Variants in NLRP5 observed in about 807,000 individuals in gnomAD.
NLRP5 encodes NLR family pyrin domain containing 5.
NLRP5 carries 93 observed loss-of-function variants against 113.1 expected under a neutral mutation model. That is an observed-to-expected ratio of 0.82 (90% confidence interval 0.70 to 0.98). NLRP5 has a LOEUF of 0.98. NLRP5 is among the 50% of genes least tolerant of loss of function. The pLI, the probability that NLRP5 is intolerant of heterozygous loss-of-function variation, is 0.00. For missense variants in NLRP5, 1,808 were observed against 1,514.3 expected, an observed-to-expected ratio of 1.19 and a Z score of -3.22; for synonymous variants, 751 against 600.7, an observed-to-expected ratio of 1.25 and a Z score of -3.66.
At chr19:56,007,902 TGC>T (rs1568483099) in intron 2 of NLRP5, among the ~76,000 whole-genome samples, 4 of 48,712 alleles carry the variant, frequency 8.2e-5, no homozygotes, top group South Asian at 7.4e-4. Flanking sequence ...CGTGCGCGCG[TGC>T]GTGTGTGTGT....
chr19:56,020,546 A>G, intron 6 of NLRP5, 115 bp downstream of exon 6: 8 of 1,241,396 alleles, frequency 6.4e-6, no homozygotes, highest in Non-Finnish European at 9.2e-6. Context: ...CTTCAATCTC[A>G]TTTGTCTCTG....
At chr19:56,058,098 A>G (rs1014847936) in intron 13 of NLRP5, 142 bp from the exon 14 acceptor site, 19 of 632,874 alleles carry the variant, frequency 3.0e-5, no homozygotes, top group Non-Finnish European at 4.7e-5. Flanking sequence ...TGGGAGGCAG[A>G]GCCCACCAGT....
chr19:56,057,419 G>A (rs539494268), intron 13 of NLRP5, among the ~76,000 whole-genome samples: 17 of 152,204 alleles, frequency 1.1e-4, no homozygotes, highest in Non-Finnish European at 1.9e-4. Flanking sequence ...CCCAGCCTCC[G>A]CTCTCACCAC....
At chr19:56,051,176 C>T (rs908547274) in intron 12 of NLRP5, among the ~76,000 whole-genome samples, 6 of 151,586 alleles carry the variant, frequency 4.0e-5, no homozygotes, top group East Asian at 3.9e-4. Context: ...CAACTTAATG[C>T]GTTCTCTTTT....
At chr19:56,006,034 T>C (rs1490196375) in intron 2 of NLRP5, among the ~76,000 whole-genome samples, 1 of 152,146 alleles carries the variant, frequency 6.6e-6, no homozygotes, top group Non-Finnish European at 1.5e-5. Flanking sequence ...GTGTCAGAGA[T>C]TTGCAGTTTT....
intron 1 of NLRP5, among the ~76,000 whole-genome samples, chr19:56,000,418 G>A (rs559431796): frequency 9.2e-5 from 14 of 152,108 alleles, no homozygotes; most frequent in African/African-American, 3.1e-4. Context: ...AGGCTGGAGT[G>A]CAGTGGCACG....
At chr19:56,030,454 G>C (rs1983054235) in intron 7 of NLRP5, among the ~76,000 whole-genome samples, 1 of 152,104 alleles carries the variant, frequency 6.6e-6, no homozygotes, top group Non-Finnish European at 1.5e-5. Flanking sequence ...GCTACCTTTG[G>C]TTGGAAAACA....
rs370387089 is a variant in NLRP5, at chr19:56,050,599, C to T, written c.3128+11C>T. 5 of 1,611,886 alleles carry T rather than the reference C, an allele frequency of 3.1e-6. No individual in the cohort carries two copies. Among genetic ancestry groups the T allele is most frequent in the Non-Finnish European group, 4.2e-6 (5 of 1,178,692 alleles). ...TCTCCAGGACCTGGAGTGAGTTTCC[C>T]ATGGGCGTTGGGTCAACTCTATCAT... is the stretch of plus-strand genomic sequence containing the variant. On this transcript the variant is annotated intron_variant, in intron 12 of 14. Coordinates refer to ENST00000390649, the MANE Select transcript of NLRP5 (RefSeq NM_153447.4).
chr19:56,010,395 C>T (rs563759457), intron 3 of NLRP5, among the ~76,000 whole-genome samples: 2 of 152,216 alleles, frequency 1.3e-5, no homozygotes, highest in South Asian at 4.1e-4. Flanking sequence ...AAGGAGCTTA[C>T]ATCATAGGGG....
intron 3 of NLRP5, among the ~76,000 whole-genome samples, chr19:56,009,655 C>A (rs1027044858): frequency 6.6e-6 from 1 of 152,086 alleles, no homozygotes; most frequent in Non-Finnish European, 1.5e-5. Context: ...TAAGATGACA[C>A]AAGGGAAGGC....
intron 13 of NLRP5, among the ~76,000 whole-genome samples, chr19:56,057,843 T>A (rs936433295): frequency 2.0e-5 from 3 of 151,992 alleles, no homozygotes; most frequent in African/African-American, 7.3e-5. Context: ...CTGGCCAACA[T>A]GATGAAACTC....
At chr19:56,036,681 G>A (rs1317484851) in intron 9 of NLRP5, among the ~76,000 whole-genome samples, 1 of 152,174 alleles carries the variant, frequency 6.6e-6, no homozygotes, top group Non-Finnish European at 1.5e-5. Context: ...CACAGACCAG[G>A]CACAGTGGCT....
chr19:56,022,470 C>A (rs1218295693), intron 6 of NLRP5, among the ~76,000 whole-genome samples: 1 of 152,168 alleles, frequency 6.6e-6, no homozygotes, highest in African/African-American at 2.4e-5. Context: ...CTCAAGTGAT[C>A]TGCCCATCTC....
intron 14 of NLRP5, among the ~76,000 whole-genome samples, chr19:56,059,691 C>T (rs562278424): frequency 5.3e-5 from 8 of 152,208 alleles, no homozygotes; most frequent in Non-Finnish European, 8.8e-5. Flanking sequence ...CGTGCCACCA[C>T]GCCCAGCTAA....
chr19:55,995,028 A>G (rs1323854325), upstream of NLRP5, among the ~76,000 whole-genome samples: 1 of 152,164 alleles, frequency 6.6e-6, no homozygotes, highest in African/African-American at 2.4e-5. Flanking sequence ...GTGCCTTTGA[A>G]AATGAGTTGG....
At chr19:55,991,985 C>T in the NLRP5 span, among the ~76,000 whole-genome samples, 2 of 152,154 alleles carry the variant, frequency 1.3e-5, no homozygotes, top group Admixed American at 1.3e-4. Context: ...AAGCCCAGTA[C>T]CCAGTCGTTA....
At chr19:56,060,200 A>T (rs1375701505) in intron 14 of NLRP5, among the ~76,000 whole-genome samples, 1 of 152,204 alleles carries the variant, frequency 6.6e-6, no homozygotes, top group African/African-American at 2.4e-5. Context: ...TTGAAGTAGG[A>T]TAGAAGTCAG....
In NLRP5 at chr19:56,029,074, G is replaced by A. The variant is rs76815875; in HGVS notation, c.2276+565G>A. ...GCAAGCCCCTCCCATGAATGTGACC[G>A]CTCAGGTTTGTGGACTGCTTATTTG... On this transcript the variant is annotated intron_variant, in intron 7 of 14. Coordinates refer to ENST00000390649, the MANE Select transcript of NLRP5 (RefSeq NM_153447.4). Among the ~76,000 whole-genome samples, 1,024 of 151,870 alleles carry A rather than the reference G, an allele frequency of 6.7e-3. 6 individuals carry two copies. The highest frequency in any genetic ancestry group is 0.022 in the African/African-American group (921 of 41,416).
At chr19:56,042,595 T>TGCCTCG (rs57449674) in intron 11 of NLRP5, among the ~76,000 whole-genome samples, 41,298 of 151,962 alleles carry the variant, frequency 0.27, 5,698 homozygotes, top group African/African-American at 0.31. Flanking sequence ...GTGATCTGCC[T>TGCCTCG]GCCTCCCAGA....
Sources: gnomAD v4.1 joint callset for allele counts (sites outside exome capture counted in the v4.1 genomes callset) on GRCh38, gnomAD v4.1.1 for gene constraint, MANE v1.5 for transcripts, NCBI Gene and HGNC (gene_info 2026-07-23, HGNC 2026-07-21) for gene names.